The following LYL1 variants were observed in gnomAD, a reference collection of about 807,000 sequenced individuals.
LYL1 encodes protein lyl-1.
LYL1 carries 4 observed loss-of-function variants against 11.1 expected under a neutral mutation model. The observed-to-expected ratio is 0.36, with a 90% confidence interval of 0.18 to 0.82. The LOEUF (loss-of-function observed/expected upper bound fraction) is 0.82, where lower values mean the gene tolerates loss of function less well. Among genes scored for constraint, LYL1 ranks in the 40% least tolerant of loss-of-function variants. The probability of loss-of-function intolerance (pLI) is 0.49; values close to 1 mark genes in which losing one functional copy is unlikely to be tolerated. For missense variants in LYL1, 356 were observed against 397.6 expected (o/e 0.90, Z 0.89); for synonymous variants, 179 against 174.8 (o/e 1.02, Z -0.19).
chr19:13,102,715 C>T lies in LYL1; in HGVS notation c.-209G>A, dbSNP rs1003081531. The T allele has an allele frequency of 4.5e-5, 7 of 157,110 alleles. No homozygotes were observed. The highest frequency in any genetic ancestry group is 1.3e-4 in the Admixed American group (2 of 15,414). 9.7% of individuals were successfully genotyped at this position (157,110 alleles called of 1,614,324 possible). ...GTGGGCCTCGGAAGGCCAGGATAGC[C>T]GAGGTCTCCGCGTAGGTCCCCCCCA... is the stretch of plus-strand genomic sequence containing the variant. On this transcript the variant is annotated 5_prime_UTR_variant, in exon 1 of 4. Transcript: ENST00000264824. The surrounding 1 kb of genome is among the most constrained non-coding windows in gnomAD (Gnocchi z 4.9).
chr19:13,099,646 C>G lies in LYL1; in HGVS notation c.516G>C (p.Glu172Asp), dbSNP rs554286906. 3.2e-6 allele frequency: 5 copies of G among 1,554,832 alleles called. No homozygotes were observed. The highest frequency in any genetic ancestry group is 3.5e-6 in the Non-Finnish European group (4 of 1,149,974). ...RQQNVNGAFA[E>D]LRKLLPTHPP... is the part of the protein sequence containing the mutation. ...GGTGCGTCGGCAGCAGCTTCCTCAG[C>G]TCGGCGAAGGCGCCGTTAACGTTCT... Residue 172 changes from glutamate to aspartate, a missense_variant, in exon 4 of 4, where the codon GAG becomes GAC. Physicochemically the swap from Glu to Asp is conservative, Grantham distance 45. Transcript: ENST00000264824. This position sits in a 1 kb window ranked among gnomAD's most constrained non-coding sequence, Gnocchi z 5.3.
intron 3 of LYL1, 110 bp downstream of exon 3, chr19:13,100,547 T>G: frequency 1.0e-6 from 1 of 990,830 alleles, no homozygotes; most frequent in Non-Finnish European, 1.6e-6. Flanking sequence ...CTCCCCGAGG[T>G]GGAGTAGAGG....
chr19:13,100,281 G>A (rs1022566228), intron 3 of LYL1, among the ~76,000 whole-genome samples: 4 of 152,286 alleles, frequency 2.6e-5, no homozygotes, highest in South Asian at 2.1e-4. Context: ...TGGCTGTCTT[G>A]TGTGTGGTTG....
rs1372039803 is a variant in LYL1 at position 13,099,864 on chromosome 19, G to A, written c.428-130C>T. On this transcript the variant is annotated intron_variant, in intron 3 of 3. Transcript: ENST00000264824. The surrounding 1 kb of genome is among the most constrained non-coding windows in gnomAD (Gnocchi z 5.3). ...GGGCTGGGGCTTTCTCCACCCAAGG[G>A]GTCCACGGGCAGCTCTCCCCACCCC... 3.8e-6 allele frequency: 3 copies of A among 794,024 alleles called. No homozygotes were observed. The highest frequency in any genetic ancestry group is 5.5e-6 in the Non-Finnish European group (3 of 545,476). 49.2% of individuals were successfully genotyped at this position (794,024 alleles called of 1,614,324 possible).
Position 13,099,520 on chromosome 19 carries a change from G to T in LYL1, c.642C>A (p.Ala214=). 1 of 1,486,138 alleles carries T rather than the reference G, an allele frequency of 6.7e-7. No individual in the cohort carries two copies. Among genetic ancestry groups the T allele is most frequent in the South Asian group, 1.3e-5 (1 of 78,330 alleles). The allele number at this position is 1,486,138 out of a possible 1,614,324, so 92.1% of individuals were successfully genotyped here. A position where few individuals can be genotyped will look rare whatever the true frequency, so the allele number is the denominator to read the frequency against. ...GAGGCCCGGGAGGGGTGGGGCCTGC[G>T]GCCAGAGCTGCGGCTTGGTCGCGCA... ...RLLRDQAAAL[A]AGPTPPGPRK... The change falls in exon 4 of 4, where the codon GCC becomes GCA. Residue 214 remains alanine, a synonymous_variant. Transcript: ENST00000264824. This position sits in a 1 kb window ranked among gnomAD's most constrained non-coding sequence, Gnocchi z 5.3.
intron 3 of LYL1, 40 bp downstream of exon 3, chr19:13,100,617 C>G: frequency 6.3e-7 from 1 of 1,575,882 alleles, no homozygotes; most frequent in Non-Finnish European, 8.7e-7. Context: ...AGTGCACATA[C>G]AGGCATACAA....
rs2018688753 is a variant in LYL1, at chr19:13,101,604, G to C, written c.-24-409C>G. On this transcript the variant is annotated intron_variant, in intron 1 of 3. Transcript: ENST00000264824. This position sits in a 1 kb window ranked among gnomAD's most constrained non-coding sequence, Gnocchi z 5.1. ...TAACCCTGTTATCCTCAGATCTAAA[G>C]ATCCAACCCAGAGACTCCTCATTAA... 1 of 228,822 alleles carries C rather than the reference G, an allele frequency of 4.4e-6. No individual in the cohort carries two copies. The highest frequency in any genetic ancestry group is 5.7e-5 in the Admixed American group (1 of 17,508). The allele number at this position is 228,822 out of a possible 1,614,324, so 14.2% of individuals were successfully genotyped here.
chr19:13,100,619 G>A (rs950007821), intron 3 of LYL1, 38 bp downstream of exon 3: 148 of 1,586,228 alleles, frequency 9.3e-5, no homozygotes, highest in Non-Finnish European at 1.3e-4. Flanking sequence ...TGCACATACA[G>A]GCATACAAAC....
rs1282048299 is a variant in LYL1, at chr19:13,102,319, T to G, written c.-25+212A>C. 1.5e-5 allele frequency: 3 copies of G among 199,508 alleles called. No individual in the cohort carries two copies. 12.4% of individuals were successfully genotyped at this position (199,508 alleles called of 1,614,324 possible). The stretch of plus-strand genomic sequence containing the variant: ...TGCATACTGTTTTGACATCCCTGTT[T>G]GCTCTTGGTTCCAGAGTCCAGGATG... On this transcript the variant is annotated intron_variant, in intron 1 of 3. Coordinates refer to ENST00000264824, the MANE Select transcript of LYL1 (RefSeq NM_005583.5). This position sits in a 1 kb window ranked among gnomAD's most constrained non-coding sequence, Gnocchi z 4.9.
At position 13,101,064 on chromosome 19, in the gene LYL1, C is replaced by T. The variant is rs201786409; in HGVS notation, c.108G>A (p.Ser36=). The T allele has an allele frequency of 1.1e-5, 16 of 1,490,288 alleles. No homozygotes were observed. In the Admixed American group the frequency reaches 1.5e-4, roughly 14 times the overall value. 92.3% of individuals were successfully genotyped at this position (1,490,288 alleles called of 1,614,324 possible). A position where few individuals can be genotyped will look rare whatever the true frequency, so the allele number is the denominator to read the frequency against. The change falls in exon 2 of 4, where the codon TCG becomes TCA. Residue 36 remains serine, a synonymous_variant. Coordinates refer to ENST00000264824, the MANE Select transcript of LYL1 (RefSeq NM_005583.5). The surrounding 1 kb of genome is among the most constrained non-coding windows in gnomAD (Gnocchi z 5.1). ...PAPAPPPKPA[S]PGPPQVEEVG... ...CCTCCTCCACCTGCGGGGGCCCAGGCGAGGCAGGCTTAGGGGGTGGGGCAG... is the reference window on the plus strand; with the variant it reads ...CCTCCTCCACCTGCGGGGGCCCAGGTGAGGCAGGCTTAGGGGGTGGGGCAG...
At position 13,099,280 on chromosome 19, in the gene LYL1, C is replaced by G. The variant is rs750620774; in HGVS notation, c.*39G>C. ...TTTCCTTGACGGCCCTGGGCCGAGT[C>G]CCTGGTGCCCTCCGGCTCAGAGGTG... is the stretch of plus-strand genomic sequence containing the variant. On this transcript the variant is annotated 3_prime_UTR_variant, in exon 4 of 4. Transcript: ENST00000264824. This position sits in a 1 kb window ranked among gnomAD's most constrained non-coding sequence, Gnocchi z 5.3. 4.0e-6 allele frequency: 5 copies of G among 1,245,414 alleles called. No individual in the cohort carries two copies. The Admixed American group carries it at 1.9e-4, about 48-fold the overall frequency. 77.1% of individuals were successfully genotyped at this position (1,245,414 alleles called of 1,614,324 possible).
Position 13,101,235 on chromosome 19 carries a change from T to G in LYL1, c.-24-40A>C. ...GCAGCCAGTGGGGAGGAGGACTAGGTGCCCCGCTCCCACCTGCTTAGCTCA... is the reference window on the plus strand; with the variant it reads ...GCAGCCAGTGGGGAGGAGGACTAGGGGCCCCGCTCCCACCTGCTTAGCTCA... On this transcript the variant is annotated intron_variant, in intron 1 of 3. Transcript: ENST00000264824. The surrounding 1 kb of genome is among the most constrained non-coding windows in gnomAD (Gnocchi z 5.1). 2.4e-6 allele frequency: 2 copies of G among 831,388 alleles called. No homozygotes were observed. Among genetic ancestry groups the G allele is most frequent in the Non-Finnish European group, 3.4e-6 (2 of 592,332 alleles). 51.5% of individuals were successfully genotyped at this position (831,388 alleles called of 1,614,324 possible).
At position 13,099,738 on chromosome 19, in the gene LYL1, T is replaced by C; in HGVS notation, c.428-4A>G. ...GCCACCTTCTGGGGCTGGTGCCCTG[T>C]GGACAAGGAGGGCCGGGTTGGTGCC... is the stretch of plus-strand genomic sequence containing the variant. On this transcript the variant is annotated splice_polypyrimidine_tract_variant and splice_region_variant and intron_variant, in intron 3 of 3. Transcript: ENST00000264824. This position sits in a 1 kb window ranked among gnomAD's most constrained non-coding sequence, Gnocchi z 5.3. 1.4e-6 allele frequency: 2 copies of C among 1,465,516 alleles called. No individual in the cohort carries two copies. Among genetic ancestry groups the C allele is most frequent in the Non-Finnish European group, 1.8e-6 (2 of 1,100,664 alleles). The allele number at this position is 1,465,516 out of a possible 1,614,324, so 90.8% of individuals were successfully genotyped here.
Position 13,101,127 on chromosome 19 carries a change from A to G in LYL1, c.45T>C (p.Thr15=). Residue 15 remains threonine (T), a synonymous_variant, in exon 2 of 4, where the codon ACT becomes ACC. Coordinates refer to ENST00000264824, the MANE Select transcript of LYL1 (RefSeq NM_005583.5). The surrounding 1 kb of genome is among the most constrained non-coding windows in gnomAD (Gnocchi z 5.1). ...GGGCACACACCATCTCTGCCTTCTC[A>G]GTCATGGTGGGGCCCACCTCTGCCT... The part of the protein sequence containing the change: ...QAQAEVGPTM[T]EKAEMVCAPS... The G allele has an allele frequency of 6.8e-7, 1 of 1,478,850 alleles. No individual in the cohort carries two copies. The highest frequency in any genetic ancestry group is 2.4e-5 in the East Asian group (1 of 40,984). The allele number at this position is 1,478,850 out of a possible 1,614,324, so 91.6% of individuals were successfully genotyped here.
Position 13,101,542 on chromosome 19 carries a change from C to T in LYL1, c.-24-347G>A, listed in dbSNP as rs2018687995. The T allele has an allele frequency of 7.5e-6, 2 of 267,724 alleles. No individual in the cohort carries two copies. Among genetic ancestry groups the T allele is most frequent in the East Asian group, 1.2e-4 (2 of 17,168 alleles). 16.6% of individuals were successfully genotyped at this position (267,724 alleles called of 1,614,324 possible). A position where few individuals can be genotyped will look rare whatever the true frequency, so the allele number is the denominator to read the frequency against. On this transcript the variant is annotated intron_variant, in intron 1 of 3. Coordinates refer to ENST00000264824, the MANE Select transcript of LYL1 (RefSeq NM_005583.5). The surrounding 1 kb of genome is among the most constrained non-coding windows in gnomAD (Gnocchi z 5.1). ...CTGGAGAGGGAACAAGACAGGGAGC[C>T]CCTAACTGATCCTGGGATCCCCAGA...
rs756964717 is a variant in LYL1 at position 13,101,182 on chromosome 19, G to C, written c.-11C>G. 1 of 1,419,558 alleles carries C rather than the reference G, an allele frequency of 7.0e-7. No individual in the cohort carries two copies. The highest frequency in any genetic ancestry group is 3.2e-5 in the Admixed American group (1 of 31,152). 87.9% of individuals were successfully genotyped at this position (1,419,558 alleles called of 1,614,324 possible). ...CTGAGGCGGGCACATGGACCCCGAC[G>C]TGGGGGTACTCACCTGTGGGAAAGA... On this transcript the variant is annotated 5_prime_UTR_variant, in exon 2 of 4. Coordinates refer to ENST00000264824, the MANE Select transcript of LYL1 (RefSeq NM_005583.5). This position sits in a 1 kb window ranked among gnomAD's most constrained non-coding sequence, Gnocchi z 5.1.
intron 3 of LYL1, among the ~76,000 whole-genome samples, chr19:13,100,019 T>C (rs933799894): frequency 1.3e-5 from 2 of 152,206 alleles, no homozygotes; most frequent in African/African-American, 4.8e-5. Context: ...TTGTGTTTGT[T>C]TGGTCTGGGA....
chr19:13,100,727 T>A lies in LYL1; in HGVS notation c.357A>T (p.Gly119=). 3.1e-6 allele frequency: 5 copies of A among 1,614,164 alleles called. No individual in the cohort carries two copies. Among genetic ancestry groups the A allele is most frequent in the Non-Finnish European group, 4.2e-6 (5 of 1,180,028 alleles). Residue 119 remains glycine (G), a synonymous_variant, in exon 3 of 4, where the codon GGA becomes GGT. Transcript: ENST00000264824. The stretch of plus-strand genomic sequence containing the variant: ...GGCTGCTAGGGAAGATGCTAAAAGG[T>A]CCTGCTGGCCCAATGTAGACACTGT... ...FLNSVYIGPA[G]PFSIFPSSRL...
chr19:13,101,298 G>T lies in LYL1; in HGVS notation c.-24-103C>A. The T allele has an allele frequency of 2.3e-6, 1 of 429,138 alleles. No homozygotes were observed. Among genetic ancestry groups the T allele is most frequent in the Non-Finnish European group, 4.0e-6 (1 of 247,968 alleles). The allele number at this position is 429,138 out of a possible 1,614,324, so 26.6% of individuals were successfully genotyped here. On this transcript the variant is annotated intron_variant, in intron 1 of 3. Transcript: ENST00000264824. This position sits in a 1 kb window ranked among gnomAD's most constrained non-coding sequence, Gnocchi z 5.1. The stretch of plus-strand genomic sequence containing the variant: ...AATGGGAAGGAGGGAGGGGGAGGGG[G>T]AAAGGAGGAGGAGAGAAGTTTCAGT...
Sources: allele counts gnomAD v4.1 joint callset (sites outside exome capture counted in the v4.1 genomes callset), GRCh38; gene constraint gnomAD v4.1.1; non-coding constraint Gnocchi (gnomAD v3.1); transcripts MANE v1.5; gene names NCBI Gene and HGNC (gene_info 2026-07-23, HGNC 2026-07-21).